The following TRPM3 variants were observed in gnomAD, a reference collection of about 807,000 sequenced individuals.
TRPM3 encodes long transient receptor potential channel 3.
In TRPM3, 77 loss-of-function variants were observed where a neutral mutation model predicts 181.2. That is an observed-to-expected ratio of 0.42 (90% CI 0.35 to 0.51). The LOEUF is 0.51. Ranked by LOEUF, TRPM3 falls within the 20% of genes least tolerant of loss-of-function variation. The probability of loss-of-function intolerance (pLI) is 0.01; values close to 1 mark genes in which losing one functional copy is unlikely to be tolerated. For synonymous variants in TRPM3, 745 were observed against 796.4 expected (o/e 0.94, Z 1.09); for missense variants, 1,759 against 2,196.7 (o/e 0.80, Z 3.98).
At chr9:71,220,560 G>T (rs887459290) in intron 1 of TRPM3, among the ~76,000 whole-genome samples, 15 of 151,948 alleles carry the variant, frequency 9.9e-5, no homozygotes, top group African/African-American at 3.4e-4. Context: ...GGACCTTCAT[G>T]GGAAGCAGTA....
chr9:70,910,277 C>T (rs2096525233), intron 1 of TRPM3, among the ~76,000 whole-genome samples: 1 of 152,046 alleles, frequency 6.6e-6, no homozygotes, highest in Non-Finnish European at 1.5e-5. Context: ...TAATGTTAAG[C>T]AAAATAAGTC....
chr9:70,684,994 G>A (rs568973502), intron 8 of TRPM3, among the ~76,000 whole-genome samples: 16 of 152,114 alleles, frequency 1.1e-4, no homozygotes, highest in East Asian at 1.9e-4. Context: ...GTTTGGTGCC[G>A]GACCATTTTT....
At chr9:70,543,728 C>CTA (rs909736492) in intron 25 of TRPM3, among the ~76,000 whole-genome samples, 26 of 152,226 alleles carry the variant, frequency 1.7e-4, no homozygotes, top group African/African-American at 6.0e-4. Context: ...AAAGATGACA[C>CTA]TAGGAATACT....
At chr9:70,545,704 T>C (rs1006077895) in intron 25 of TRPM3, among the ~76,000 whole-genome samples, 1 of 152,004 alleles carries the variant, frequency 6.6e-6, no homozygotes, top group Admixed American at 6.5e-5. Flanking sequence ...CCTGCCACCA[T>C]GCCTGACTAA....
At chr9:70,957,477 TCA>T (rs1273019517) in intron 1 of TRPM3, among the ~76,000 whole-genome samples, 1 of 152,174 alleles carries the variant, frequency 6.6e-6, no homozygotes, top group East Asian at 1.9e-4. Flanking sequence ...CCAAGCTTTG[TCA>T]CACAGGGGTT....
In TRPM3 at chr9:70,631,298, C is replaced by T. The variant is rs1162567869; in HGVS notation, c.1632+3913G>A. ...ATATAATAATGCTTTTGCAAATTTC[C>T]ATGCATTTAGCAGATGGGATTATGC... On this transcript the variant is annotated intron_variant, in intron 12 of 25. Coordinates refer to ENST00000677713, the MANE Select transcript of TRPM3 (RefSeq NM_001366145.2). Among the ~76,000 whole-genome samples the T allele has an allele frequency of 3.3e-5, 5 of 151,770 alleles. No individual in the cohort carries two copies. The South Asian group carries it at 1.0e-3, about 32-fold the overall frequency.
chr9:70,642,179 T>A (rs1018876581), intron 9 of TRPM3, among the ~76,000 whole-genome samples: 1 of 152,172 alleles, frequency 6.6e-6, no homozygotes, highest in Non-Finnish European at 1.5e-5. Flanking sequence ...CACTTCCATA[T>A]GTCATATGTA....
At chr9:70,952,938 G>T (rs188778063) in intron 1 of TRPM3, among the ~76,000 whole-genome samples, 5 of 152,268 alleles carry the variant, frequency 3.3e-5, no homozygotes, top group Admixed American at 3.3e-4. Flanking sequence ...CTATTTTTCT[G>T]CAGCTATGCC....
At chr9:71,292,636 A>T (rs11142785) in intron 1 of TRPM3, among the ~76,000 whole-genome samples, 41,866 of 151,474 alleles carry the variant, frequency 0.28, 6,293 homozygotes, top group African/African-American at 0.42. Context: ...AATGTTTTTT[A>T]AAAAAATAAG....
chr9:71,207,421 A>G (rs1271894375), intron 1 of TRPM3, among the ~76,000 whole-genome samples: 1 of 152,168 alleles, frequency 6.6e-6, no homozygotes, highest in African/African-American at 2.4e-5. Context: ...GTCATTGATG[A>G]TCACTGTATA....
intron 1 of TRPM3, among the ~76,000 whole-genome samples, chr9:70,955,403 T>G (rs2097056975): frequency 6.6e-6 from 1 of 152,244 alleles, no homozygotes; most frequent in Non-Finnish European, 1.5e-5. Flanking sequence ...TCTTCAGATA[T>G]CCTTCTCTGT....
chr9:70,747,720 G>A (rs986265779), intron 8 of TRPM3, among the ~76,000 whole-genome samples: 1 of 151,846 alleles, frequency 6.6e-6, no homozygotes, highest in Non-Finnish European at 1.5e-5. Context: ...TATCTGGTAT[G>A]CAAAACTTGA....
intron 1 of TRPM3, among the ~76,000 whole-genome samples, chr9:71,346,227 G>C (rs907900342): frequency 2.6e-5 from 4 of 152,098 alleles, no homozygotes; most frequent in Non-Finnish European, 5.9e-5. Flanking sequence ...CATAAAACAA[G>C]GATGAATCGT....
At chr9:71,168,657 T>G (rs1477164644) in intron 1 of TRPM3, among the ~76,000 whole-genome samples, 1 of 148,354 alleles carries the variant, frequency 6.7e-6, no homozygotes, top group Non-Finnish European at 1.5e-5. Context: ...TTTTTTATTA[T>G]TACTATCCCT....
chr9:71,222,587 C>T (rs941617864), intron 1 of TRPM3, among the ~76,000 whole-genome samples: 5 of 152,220 alleles, frequency 3.3e-5, no homozygotes, highest in African/African-American at 1.2e-4. Flanking sequence ...AAGCACCCTT[C>T]TAAGAACCAA....
intron 1 of TRPM3, among the ~76,000 whole-genome samples, chr9:71,357,324 G>A (rs1179682025): frequency 6.6e-6 from 1 of 152,126 alleles, no homozygotes; most frequent in Admixed American, 6.6e-5. Context: ...AACCAAAGTT[G>A]TGATATTTCC....
At position 70,863,111 on chromosome 9, in the gene TRPM3, A is replaced by G; in HGVS notation, c.259T>C (p.Cys87Arg). The change falls in exon 3 of 26, where the codon TGT becomes CGT. Residue 87 changes from cysteine to arginine, a missense_variant and splice_region_variant. Transcript: ENST00000677713. The stretch of plus-strand genomic sequence containing the variant: ...TGGCCTATCAGACGCCCACAGCAAC[A>G]CCTATAACAGAAGAGGTTAAAGTGA... ...IIPSTKDPHR[C>R]CCGRLIGQHV... 1 of 1,612,644 alleles carries G rather than the reference A, an allele frequency of 6.2e-7. No individual in the cohort carries two copies. The highest frequency in any genetic ancestry group is 8.5e-7 in the Non-Finnish European group (1 of 1,179,118).
At chr9:70,916,645 A>G (rs1440359626) in intron 1 of TRPM3, among the ~76,000 whole-genome samples, 1 of 152,128 alleles carries the variant, frequency 6.6e-6, no homozygotes, top group African/African-American at 2.4e-5. Flanking sequence ...TAAATATACT[A>G]TATTATTTAT....
At position 70,828,701 on chromosome 9, in the gene TRPM3, A is replaced by T. The variant is rs1017305834; in HGVS notation, c.802-683T>A. Among the ~76,000 whole-genome samples the T allele has an allele frequency of 1.5e-4, 18 of 116,324 alleles. 1 individual carries two copies. The East Asian group carries it at 3.0e-3, about 19-fold the overall frequency. The allele number at this position is 116,324 out of a possible 152,430, so 76.3% of individuals were successfully genotyped here. A position where few individuals can be genotyped will look rare whatever the true frequency, so the allele number is the denominator to read the frequency against. On this transcript the variant is annotated intron_variant, in intron 5 of 25. Coordinates refer to ENST00000677713, the MANE Select transcript of TRPM3 (RefSeq NM_001366145.2). ...GAGCAATTTCAGTGTGGCCTTCCAG[A>T]TTTTTTTTTTTTTTTATAAAAAGAA... is the stretch of plus-strand genomic sequence containing the variant.
Sources: gnomAD v4.1 joint callset for allele counts (sites outside exome capture counted in the v4.1 genomes callset) on GRCh38, gnomAD v4.1.1 for gene constraint, MANE v1.5 for transcripts, NCBI Gene and HGNC (gene_info 2026-07-23, HGNC 2026-07-21) for gene names.